Variants in ZNF469 observed in about 807,000 individuals in gnomAD.
ZNF469 encodes zinc finger protein 469.
Under a neutral mutation model 1.0 loss-of-function variants are expected in ZNF469, and 1 was observed. The observed-to-expected ratio is 1.00, with a 90% CI of 0.35 to 4.73. The LOEUF is 4.73. ZNF469 is among the 30% of genes most tolerant of loss of function. The probability of loss-of-function intolerance (pLI) is 0.16; values close to 1 mark genes in which losing one functional copy is unlikely to be tolerated. For synonymous variants in ZNF469, 2,703 were observed against 2,363.4 expected, an observed-to-expected ratio of 1.14 and a Z score of -4.17; for missense variants, 6,100 against 5,356.3, an observed-to-expected ratio of 1.14 and a Z score of -4.33.
In ZNF469 at chr16:88,424,924, G is replaced by C. The variant is rs1220970799; in HGVS notation, c.-127+53G>C. ...GGCTGGCCACAGATGCTCTGGTCTT[G>C]ATGGTCCTGAGGCCCCCTCCGCCCC... is the stretch of plus-strand genomic sequence containing the variant. On this transcript the variant is annotated intron_variant, in intron 2 of 2. Coordinates refer to ENST00000565624, the MANE Select transcript of ZNF469 (RefSeq NM_001367624.2). The surrounding 1 kb of genome is among the most constrained non-coding windows in gnomAD (Gnocchi z 4.3). 1.3e-5 allele frequency among the ~76,000 whole-genome samples: 2 copies of C among 152,184 alleles called. No homozygotes were observed. Among genetic ancestry groups the C allele is most frequent in the Admixed American group, 1.3e-4 (2 of 15,288 alleles).
chr16:88,311,904 G>A, the ZNF469 span, among the ~76,000 whole-genome samples: 2 of 152,216 alleles, frequency 1.3e-5, no homozygotes, highest in Non-Finnish European at 2.9e-5. Context: ...AAATCTCATT[G>A]GCTGCTTGTA....
chr16:88,193,509 G>A, the ZNF469 span: 1 of 152,160 alleles, frequency 6.6e-6, no homozygotes, highest in African/African-American at 2.4e-5. Context: ...GATTAGCCTG[G>A]GCACTACACA....
chr16:88,157,877 G>A, the ZNF469 span, among the ~76,000 whole-genome samples: 4 of 152,108 alleles, frequency 2.6e-5, no homozygotes, highest in South Asian at 8.3e-4. Context: ...GGATGCCTGG[G>A]TCTCTGCTGA....
chr16:88,229,667 T>TCACGTGTGTGGATGTCA, the ZNF469 span, among the ~76,000 whole-genome samples: 1 of 144,266 alleles, frequency 6.9e-6, no homozygotes, highest in Non-Finnish European at 1.5e-5. Flanking sequence ...CGTGTGGATG[T>TCACGTGTGTGGATGTCA]CGCGTGTGTG....
chr16:88,151,930 T>G, the ZNF469 span, among the ~76,000 whole-genome samples: 1 of 152,224 alleles, frequency 6.6e-6, no homozygotes, highest in Non-Finnish European at 1.5e-5. The surrounding 1 kb of genome is among the most constrained non-coding windows in gnomAD (Gnocchi z 5.4). Context: ...AACCCTTTTC[T>G]GATAAATAAA....
the ZNF469 span, among the ~76,000 whole-genome samples, chr16:88,322,244 C>T: frequency 2.6e-4 from 40 of 152,352 alleles, 1 homozygote; most frequent in Middle Eastern, 3.4e-3. Context: ...CTGTGCCCCA[C>T]ACAGTCCCCA....
At chr16:88,195,155 T>G in the ZNF469 span, 2 of 152,234 alleles carry the variant, frequency 1.3e-5, no homozygotes, top group Non-Finnish European at 2.9e-5. Flanking sequence ...AGAATACAGC[T>G]GGCTGTGTTG....
intron 1 of ZNF469, among the ~76,000 whole-genome samples, chr16:88,390,241 G>C (rs965132812): frequency 3.3e-5 from 5 of 152,158 alleles, no homozygotes; most frequent in Non-Finnish European, 7.4e-5. Flanking sequence ...GGCCCAGCGG[G>C]TCCTGGGATC....
At chr16:88,312,852 C>G in the ZNF469 span, among the ~76,000 whole-genome samples, 19 of 152,364 alleles carry the variant, frequency 1.2e-4, no homozygotes, top group African/African-American at 4.6e-4. Flanking sequence ...AGTAGCTTTG[C>G]AAGCCATGCT....
the ZNF469 span, among the ~76,000 whole-genome samples, chr16:88,327,335 C>T: frequency 6.6e-6 from 1 of 152,210 alleles, no homozygotes; most frequent in South Asian, 2.1e-4. Flanking sequence ...CCCGGCCTCG[C>T]CTCTCCTTTG....
intron 1 of ZNF469, among the ~76,000 whole-genome samples, chr16:88,387,592 C>G (rs1404171422): frequency 6.6e-6 from 1 of 152,202 alleles, no homozygotes; most frequent in African/African-American, 2.4e-5. Context: ...TCACCCCAGC[C>G]CTGCCAGGAG....
the ZNF469 span, among the ~76,000 whole-genome samples, chr16:88,141,232 C>T: frequency 6.6e-6 from 1 of 152,100 alleles, no homozygotes; most frequent in Admixed American, 6.5e-5. Context: ...AATTCTAATC[C>T]CAAAAAGGAC....
the ZNF469 span, among the ~76,000 whole-genome samples, chr16:88,120,450 TG>T: frequency 6.6e-6 from 1 of 152,224 alleles, no homozygotes; most frequent in South Asian, 2.1e-4. Context: ...ACAGCGGAGA[TG>T]GCGCGCCCCA....
Position 88,431,950 on chromosome 16 carries a change from T to G in ZNF469, c.4480T>G (p.Ser1494Ala). Reference sequence around the variant, plus strand: ...CGACCCTCCCCAGAAGACGGTGCCGTCAGATCCACCGTACCCCTCTTTTTT... The same window carrying G: ...CGACCCTCCCCAGAAGACGGTGCCGGCAGATCCACCGTACCCCTCTTTTTT... ...CADPPQKTVPSDPPYPSFLLL... is the reference protein window; with the variant it reads ...CADPPQKTVPADPPYPSFLLL... Residue 1494 changes from serine to alanine, a missense_variant, in exon 3 of 3, where the codon TCA becomes GCA. Ser to Ala is a moderately conservative substitution (Grantham distance 99, BLOSUM62 1). Coordinates refer to ENST00000565624, the MANE Select transcript of ZNF469 (RefSeq NM_001367624.2). 3 of 1,549,280 alleles carry G rather than the reference T, an allele frequency of 1.9e-6. No individual in the cohort carries two copies. Among genetic ancestry groups the G allele is most frequent in the Non-Finnish European group, 2.6e-6 (3 of 1,146,958 alleles).
intron 1 of ZNF469, among the ~76,000 whole-genome samples, chr16:88,422,750 GGA>G (rs1905522647): frequency 9.5e-4 from 2 of 2,098 alleles, no homozygotes; most frequent in Admixed American, 0.012. Flanking sequence ...ATGAGTGAAT[GGA>G]TGGATGGATG....
At chr16:88,308,286 T>C in the ZNF469 span, among the ~76,000 whole-genome samples, 3 of 152,226 alleles carry the variant, frequency 2.0e-5, no homozygotes, top group African/African-American at 7.2e-5. Context: ...TTTGCTCTTT[T>C]TCAAGATTGT....
the ZNF469 span, among the ~76,000 whole-genome samples, chr16:88,298,457 G>C: frequency 1.3e-5 from 2 of 152,206 alleles, no homozygotes; most frequent in Non-Finnish European, 2.9e-5. Context: ...GCAAGGCTGG[G>C]AGCAGCCACC....
At chr16:88,110,186 C>T in the ZNF469 span, among the ~76,000 whole-genome samples, 2 of 152,240 alleles carry the variant, frequency 1.3e-5, no homozygotes, top group Non-Finnish European at 2.9e-5. Context: ...ATCACCCAGG[C>T]CGAGGCCGCC....
chr16:88,341,435 G>C, the ZNF469 span, among the ~76,000 whole-genome samples: 1 of 152,174 alleles, frequency 6.6e-6, no homozygotes. Flanking sequence ...CCACTGTTGT[G>C]ATCTCTCACC....
Sources: allele counts gnomAD v4.1 joint callset (sites outside exome capture counted in the v4.1 genomes callset), GRCh38; gene constraint gnomAD v4.1.1; non-coding constraint Gnocchi (gnomAD v3.1); transcripts MANE v1.5; gene names NCBI Gene and HGNC (gene_info 2026-07-23, HGNC 2026-07-21).